Variants in HSD17B12 observed in about 807,000 individuals in gnomAD.
HSD17B12 encodes hydroxysteroid 17-beta dehydrogenase 12.
Under a neutral mutation model 39.3 loss-of-function variants are expected in HSD17B12, and 32 were observed. The ratio of observed to expected loss-of-function variants is 0.81; its 90% CI spans 0.61 to 1.09. The LOEUF (loss-of-function observed/expected upper bound fraction) is 1.09. Ranked by LOEUF, HSD17B12 falls within the 50% of genes least tolerant of loss-of-function variation. The pLI, the probability that HSD17B12 is intolerant of heterozygous loss-of-function variation, is 0.00. For missense variants in HSD17B12, 342 were observed against 382.9 expected (o/e 0.89, Z 0.89); for synonymous variants, 150 against 146.7 (o/e 1.02, Z -0.16).
intron 6 of HSD17B12, chr11:43,830,612 G>A (rs1397529441): frequency 6.4e-6 from 1 of 156,064 alleles, no homozygotes; most frequent in Non-Finnish European, 1.4e-5. Flanking sequence ...CATCTTGGTA[G>A]GCAGGATATT....
At chr11:43,818,790 C>T (rs1243196870) in intron 6 of HSD17B12, among the ~76,000 whole-genome samples, 5 of 152,064 alleles carry the variant, frequency 3.3e-5, no homozygotes, top group Non-Finnish European at 7.4e-5. Flanking sequence ...CTAATAGTCC[C>T]AAGATCATTA....
At chr11:43,668,385 T>C in the HSD17B12 span, among the ~76,000 whole-genome samples, 1 of 152,206 alleles carries the variant, frequency 6.6e-6, no homozygotes, top group Non-Finnish European at 1.5e-5. Context: ...ATTCTCCAAT[T>C]TTAAGGACCT....
chr11:43,818,154 A>G (rs1951147700), intron 6 of HSD17B12, among the ~76,000 whole-genome samples: 1 of 152,102 alleles, frequency 6.6e-6, no homozygotes, highest in African/African-American at 2.4e-5. Context: ...TCCACACGCT[A>G]TTTGTCACTG....
the HSD17B12 span, among the ~76,000 whole-genome samples, chr11:43,574,189 A>T: frequency 6.6e-6 from 1 of 152,204 alleles, no homozygotes; most frequent in African/African-American, 2.4e-5. Flanking sequence ...GCTTAACCCC[A>T]AATCTCTCAG....
At chr11:43,714,197 C>G (rs146034369) in intron 1 of HSD17B12, among the ~76,000 whole-genome samples, 20,624 of 152,152 alleles carry the variant, frequency 0.14, 1,802 homozygotes, top group African/African-American at 0.25. Flanking sequence ...AAGTCCTTGC[C>G]CATGCCTATG....
chr11:43,571,439 C>T, the HSD17B12 span, among the ~76,000 whole-genome samples: 1 of 152,164 alleles, frequency 6.6e-6, no homozygotes, highest in African/African-American at 2.4e-5. Context: ...GAGATCCTCA[C>T]CATGAAACCA....
At chr11:43,837,396 G>A (rs1951381535) in intron 7 of HSD17B12, among the ~76,000 whole-genome samples, 1 of 152,048 alleles carries the variant, frequency 6.6e-6, no homozygotes, top group Admixed American at 6.6e-5. Context: ...TGAAAAAGGG[G>A]AATCCTCTGA....
At chr11:43,673,498 T>A in the HSD17B12 span, 1 of 148,102 alleles carries the variant, frequency 6.8e-6, no homozygotes, top group Non-Finnish European at 1.4e-5. Context: ...TTTTCTTTTT[T>A]TTTTTTTTTT....
At chr11:43,703,556 C>A (rs1263659368) in intron 1 of HSD17B12, among the ~76,000 whole-genome samples, 1 of 152,128 alleles carries the variant, frequency 6.6e-6, no homozygotes, top group African/African-American at 2.4e-5. Flanking sequence ...CTGGGCTTTT[C>A]TTTAGTGGGA....
chr11:43,778,451 T>C (rs1457459317), intron 3 of HSD17B12, among the ~76,000 whole-genome samples: 4 of 151,620 alleles, frequency 2.6e-5, no homozygotes, highest in Admixed American at 6.6e-5. Context: ...TTCCAATCAA[T>C]AGAAAAAGAG....
intron 3 of HSD17B12, among the ~76,000 whole-genome samples, chr11:43,769,726 G>C (rs1355450917): frequency 6.6e-6 from 1 of 152,178 alleles, no homozygotes; most frequent in Non-Finnish European, 1.5e-5. Context: ...CCCATTTCTA[G>C]AAAGCCTTTA....
intron 1 of HSD17B12, among the ~76,000 whole-genome samples, chr11:43,681,559 T>C (rs947276172): frequency 9.2e-5 from 14 of 152,128 alleles, no homozygotes; most frequent in African/African-American, 9.7e-5. Flanking sequence ...GCCTATTTCA[T>C]ACAATTACAA....
intron 1 of HSD17B12, chr11:43,734,095 A>C: frequency 9.9e-6 from 11 of 1,107,000 alleles, no homozygotes; most frequent in Non-Finnish European, 1.5e-5. Context: ...GGAGAGGACT[A>C]TGATGAGCGT....
At chr11:43,815,736 C>G (rs539012305) in intron 5 of HSD17B12, among the ~76,000 whole-genome samples, 4 of 152,254 alleles carry the variant, frequency 2.6e-5, no homozygotes, top group African/African-American at 9.6e-5. Context: ...TATTTATAAC[C>G]TCACTTATAC....
chr11:43,821,615 T>C (rs1476039457), intron 6 of HSD17B12, among the ~76,000 whole-genome samples: 1 of 152,200 alleles, frequency 6.6e-6, no homozygotes, highest in African/African-American at 2.4e-5. Context: ...CCCAGAATAC[T>C]GAGAGAGTTT....
intron 8 of HSD17B12, among the ~76,000 whole-genome samples, chr11:43,839,213 T>C (rs1386237522): frequency 6.6e-6 from 1 of 152,126 alleles, no homozygotes; most frequent in Non-Finnish European, 1.5e-5. Flanking sequence ...TTCTTTTTCA[T>C]GTGAAAAAAC....
chr11:43,840,235 T>A (rs1951412536), intron 9 of HSD17B12, among the ~76,000 whole-genome samples, 171 bp downstream of exon 9: 1 of 152,150 alleles, frequency 6.6e-6, no homozygotes, highest in Non-Finnish European at 1.5e-5. Flanking sequence ...TCTAGATTTT[T>A]AAAAAATTAT....
intron 1 of HSD17B12, among the ~76,000 whole-genome samples, chr11:43,728,254 T>C (rs370801018): frequency 7.9e-5 from 12 of 152,002 alleles, no homozygotes; most frequent in African/African-American, 2.9e-4. Context: ...TTAGTAGAGA[T>C]GGGGTTTCAC....
chr11:43,725,569 A>G (rs1358649236), intron 1 of HSD17B12, among the ~76,000 whole-genome samples: 1 of 152,212 alleles, frequency 6.6e-6, no homozygotes, highest in African/African-American at 2.4e-5. Context: ...TTGAATATTA[A>G]TTATTCAACA....
Sources: gnomAD v4.1 joint callset for allele counts (sites outside exome capture counted in the v4.1 genomes callset) on GRCh38, gnomAD v4.1.1 for gene constraint, MANE v1.5 for transcripts, NCBI Gene and HGNC (gene_info 2026-07-23, HGNC 2026-07-21) for gene names.